The following PCLO variants were observed in gnomAD, a reference collection of about 807,000 sequenced individuals.
PCLO encodes piccolo presynaptic cytomatrix protein.
Under a neutral mutation model 427.5 loss-of-function variants are expected in PCLO, and 82 were observed. That is an observed-to-expected ratio of 0.19 (90% CI 0.16 to 0.23). The LOEUF is 0.23. Ranked by LOEUF, PCLO falls within the 10% of genes least tolerant of loss-of-function variation. The probability of loss-of-function intolerance (pLI) is 1.00; values close to 1 mark genes in which losing one functional copy is unlikely to be tolerated. For synonymous variants in PCLO, 2,357 were observed against 2,155.4 expected (o/e 1.09, Z -2.59); for missense variants, 6,239 against 6,115.9 (o/e 1.02, Z -0.67).
intron 20 of PCLO, among the ~76,000 whole-genome samples, chr7:82,809,513 T>C (rs547545903): frequency 2.0e-5 from 3 of 151,780 alleles, no homozygotes; most frequent in South Asian, 4.1e-4. Flanking sequence ...TACTCTGTCG[T>C]TATTGGAAGC....
chr7:82,780,355 C>T (rs1272710738), intron 22 of PCLO, among the ~76,000 whole-genome samples: 1 of 152,184 alleles, frequency 6.6e-6, no homozygotes, highest in East Asian at 1.9e-4. Context: ...AACGTTTGTT[C>T]TGTGGACTAA....
chr7:82,935,981 C>T (rs1036786347), intron 6 of PCLO, among the ~76,000 whole-genome samples: 2 of 151,654 alleles, frequency 1.3e-5, no homozygotes, highest in Non-Finnish European at 3.0e-5. Context: ...CTGGTTCATT[C>T]TCCTATAATC....
At chr7:82,957,039 G>T in intron 4 of PCLO, 104 bp from the exon 5 acceptor site, 1 of 1,271,772 alleles carries the variant, frequency 7.9e-7, no homozygotes, top group East Asian at 2.9e-5. Context: ...AAATAATTTT[G>T]GAAAATTTTT....
chr7:82,928,529 T>C (rs548489008), intron 6 of PCLO, among the ~76,000 whole-genome samples: 1 of 152,208 alleles, frequency 6.6e-6, no homozygotes, highest in East Asian at 1.9e-4. Flanking sequence ...TACAGGCACC[T>C]GCTACCACGC....
chr7:82,915,674 C>T lies in PCLO; in HGVS notation c.12312G>A (p.Leu4104=), dbSNP rs1446634567. 3 of 1,613,088 alleles carry T rather than the reference C, an allele frequency of 1.9e-6. No individual in the cohort carries two copies. The highest frequency in any genetic ancestry group is 1.1e-5 in the South Asian group (1 of 91,052). ...CTTCCTCCGCCTTCACATAACTATG[C>T]AATCTAGAGGAAGACTGTAAAGGTG... ...FLAPLQSSSR[L]HSYVKAEEDP... is the part of the protein sequence containing the mutation. Residue 4104 remains leucine (L), a synonymous_variant, in exon 7 of 25, where the codon TTG becomes TTA. Coordinates refer to ENST00000333891, the MANE Select transcript of PCLO (RefSeq NM_033026.6).
chr7:83,111,529 A>C (rs1288813982), intron 3 of PCLO, among the ~76,000 whole-genome samples: 1 of 152,234 alleles, frequency 6.6e-6, no homozygotes, highest in African/African-American at 2.4e-5. Context: ...GGGGAACCAC[A>C]AGAAAAGGAA....
At chr7:83,141,882 G>C (rs1489106406) in intron 2 of PCLO, among the ~76,000 whole-genome samples, 1 of 152,078 alleles carries the variant, frequency 6.6e-6, no homozygotes, top group Non-Finnish European at 1.5e-5. Context: ...ATTTTTAAGA[G>C]TGTATCTTCA....
intron 2 of PCLO, among the ~76,000 whole-genome samples, chr7:83,142,568 C>T (rs1791887817): frequency 6.6e-6 from 1 of 152,156 alleles, no homozygotes; most frequent in South Asian, 2.1e-4. Context: ...TATTACAGTA[C>T]CATTATACCC....
chr7:82,920,124 T>C (rs1243831007), intron 6 of PCLO, among the ~76,000 whole-genome samples: 2 of 151,890 alleles, frequency 1.3e-5, no homozygotes, highest in South Asian at 2.1e-4. Context: ...TATTTAATTC[T>C]AATTTAAAAA....
At chr7:82,900,822 G>T (rs2116182713) in intron 9 of PCLO, among the ~76,000 whole-genome samples, 1 of 151,842 alleles carries the variant, frequency 6.6e-6, no homozygotes, top group East Asian at 1.9e-4. Flanking sequence ...GGGATTAGAA[G>T]TTAACATTAG....
chr7:82,821,775 C>T, intron 20 of PCLO: 2 of 982,092 alleles, frequency 2.0e-6, no homozygotes, highest in Non-Finnish European at 2.4e-6. Flanking sequence ...CAGAATGGAC[C>T]CAATTGTGCT....
At chr7:82,938,985 A>T (rs1795018449) in intron 6 of PCLO, among the ~76,000 whole-genome samples, 2 of 152,076 alleles carry the variant, frequency 1.3e-5, no homozygotes, top group Non-Finnish European at 2.9e-5. Context: ...TAAAAATAGT[A>T]AAATGTATAT....
At position 83,154,990 on chromosome 7, in the gene PCLO, C is replaced by A; in HGVS notation, c.1651G>T (p.Ala551Ser). The A allele has an allele frequency of 1.2e-6, 2 of 1,613,950 alleles. No individual in the cohort carries two copies. Among genetic ancestry groups the A allele is most frequent in the East Asian group, 4.5e-5 (2 of 44,876 alleles). The change falls in exon 2 of 25, where the codon GCT becomes TCT. Residue 551 changes from alanine (A) to serine (S), a missense_variant. Around this residue, in one of 5 missense-constraint regions of PCLO, gnomAD observed 4,677 missense variants for 4,468.4 expected, o/e 1.05. Coordinates refer to ENST00000333891, the MANE Select transcript of PCLO (RefSeq NM_033026.6). ...CTTACTGGTTTTGTAGATTGCTGAG[C>A]CGAGGGCTTTGCTGGGCTAGGCTGT... is the stretch of plus-strand genomic sequence containing the variant. ...AQQPSPAKPS[A>S]QQSTKPVSQT...
chr7:83,050,208 GAAA>G (rs556193471), intron 3 of PCLO, among the ~76,000 whole-genome samples: 9 of 5,458 alleles, frequency 1.6e-3, no homozygotes, highest in Non-Finnish European at 2.9e-3. Context: ...CTGAAAAACT[GAAA>G]AAAAAAAAAA....
chr7:83,081,678 T>C (rs1197475270), intron 3 of PCLO, among the ~76,000 whole-genome samples: 4 of 151,936 alleles, frequency 2.6e-5, no homozygotes, highest in East Asian at 3.9e-4. Flanking sequence ...CACAGGAATT[T>C]AGAGCTACAA....
At chr7:82,838,490 T>C (rs1298047572) in intron 14 of PCLO, 148 bp from the exon 15 acceptor site, 1 of 542,304 alleles carries the variant, frequency 1.8e-6, no homozygotes, top group Non-Finnish European at 3.2e-6. Context: ...GACCAGTTAA[T>C]GTCTAATTTA....
chr7:83,156,389 T>C lies in PCLO; in HGVS notation c.252A>G (p.Lys84=). The C allele has an allele frequency of 1.3e-6, 2 of 1,531,172 alleles. No individual in the cohort carries two copies. The highest frequency in any genetic ancestry group is 1.4e-5 in the African/African-American group (1 of 70,812). 94.8% of individuals were successfully genotyped at this position (1,531,172 alleles called of 1,614,324 possible). The stretch of plus-strand genomic sequence containing the variant: ...GAGGATGACTACTATCCAACTCTTG[T>C]TTCCTAGAAGAGTTAAAAAAAAAAA... ...AAAESPSMHR[K]QELDSSHPPK... is the part of the protein sequence containing the mutation. The change falls in exon 2 of 25, where the codon AAA becomes AAG. Residue 84 remains lysine (K), a synonymous_variant. Coordinates refer to ENST00000333891, the MANE Select transcript of PCLO (RefSeq NM_033026.6).
At position 83,155,040 on chromosome 7, in the gene PCLO, G is replaced by A; in HGVS notation, c.1601C>T (p.Pro534Leu). ...TTGAGCTGAGGGTTTTGCTGAGCCA[G>A]GCTGTTGAGATGGGGGTTTTGTTGA... ...PGSTKPPSQQ[P>L]GSAKPSAQQP... Residue 534 changes from proline to leucine, a missense_variant, in exon 2 of 25, where the codon CCT becomes CTT. This residue lies in a region of PCLO where 4,677 missense variants were observed against 4,468.4 expected (regional missense o/e 1.05). Coordinates refer to ENST00000333891, the MANE Select transcript of PCLO (RefSeq NM_033026.6). The A allele has an allele frequency of 1.2e-6, 2 of 1,613,836 alleles. No individual in the cohort carries two copies. Among genetic ancestry groups the A allele is most frequent in the Non-Finnish European group, 1.7e-6 (2 of 1,179,844 alleles).
Position 82,955,300 on chromosome 7 carries a change from T to G in PCLO, c.5653A>C (p.Lys1885Gln). ...TATAATGAAACAGCTGTGGGCAATT[T>G]ATAAACTTTTTGTACTTCTATTATT... is the stretch of plus-strand genomic sequence containing the variant. ...EKIIEVQKVYKLPTAVSLYSP... is the reference protein window; with the variant it reads ...EKIIEVQKVYQLPTAVSLYSP... The change falls in exon 5 of 25, where the codon AAA becomes CAA. Residue 1885 changes from lysine (K) to glutamine (Q), a missense_variant. By Grantham distance (53) the Lys-to-Gln change is moderately conservative. This residue lies in a region of PCLO where 4,677 missense variants were observed against 4,468.4 expected (regional missense o/e 1.05). Transcript: ENST00000333891. The G allele has an allele frequency of 6.2e-7, 1 of 1,613,472 alleles. No homozygotes were observed.
Sources: gnomAD v4.1 joint callset for allele counts (sites outside exome capture counted in the v4.1 genomes callset) on GRCh38, gnomAD v4.1.1 for gene constraint, gnomAD v4.1.1 regional missense constraint, MANE v1.5 for transcripts, NCBI Gene and HGNC (gene_info 2026-07-23, HGNC 2026-07-21) for gene names.